Variants in DDHD1 observed in about 807,000 individuals in gnomAD.
The protein encoded by DDHD1 is DDHD domain containing 1.
Under a neutral mutation model 96.4 loss-of-function variants are expected in DDHD1, and 49 were observed. The observed-to-expected ratio is 0.51, with a 90% CI of 0.40 to 0.64. DDHD1 has a LOEUF of 0.64. DDHD1 is among the 30% of genes least tolerant of loss of function. The pLI is 0.00. For missense variants in DDHD1, 1,106 were observed against 1,161.2 expected, an observed-to-expected ratio of 0.95 and a Z score of 0.69; for synonymous variants, 442 against 446.5, an observed-to-expected ratio of 0.99 and a Z score of 0.13.
At chr14:53,059,018 TA>T (rs369436504) in intron 8 of DDHD1, among the ~76,000 whole-genome samples, 1 of 152,142 alleles carries the variant, frequency 6.6e-6, no homozygotes, top group African/African-American at 2.4e-5. Context: ...GAAAGCAGAA[TA>T]AAATACGTGC....
At chr14:53,124,591 T>C (rs1029106831) in intron 1 of DDHD1, among the ~76,000 whole-genome samples, 1 of 152,186 alleles carries the variant, frequency 6.6e-6, no homozygotes, top group African/African-American at 2.4e-5. Context: ...CAAGGGATAA[T>C]GTCAATAGTA....
intron 1 of DDHD1, among the ~76,000 whole-genome samples, chr14:53,113,120 T>C (rs1237567167): frequency 6.6e-6 from 1 of 151,678 alleles, no homozygotes; most frequent in Non-Finnish European, 1.5e-5. Flanking sequence ...CCACCACACC[T>C]GGCTAACTTT....
chr14:53,112,205 A>G (rs745628396), intron 1 of DDHD1, among the ~76,000 whole-genome samples: 4 of 152,114 alleles, frequency 2.6e-5, no homozygotes, highest in Non-Finnish European at 5.9e-5. Context: ...TCATGAGGTC[A>G]AGAGATCGAG....
chr14:53,153,186 C>T lies in DDHD1; in HGVS notation c.-88G>A. 8.6e-7 allele frequency: 1 copy of T among 1,166,030 alleles called. No homozygotes were observed. Among genetic ancestry groups the T allele is most frequent in the Non-Finnish European group, 1.1e-6 (1 of 895,280 alleles). The allele number at this position is 1,166,030 out of a possible 1,614,324, so 72.2% of individuals were successfully genotyped here. A position where few individuals can be genotyped will look rare whatever the true frequency, so the allele number is the denominator to read the frequency against. ...ACACATTCAACGCCGCCGCCCTCTCCACCCGAAGTTTCTAATCTTTCAAAT... is the reference window on the plus strand; with the variant it reads ...ACACATTCAACGCCGCCGCCCTCTCTACCCGAAGTTTCTAATCTTTCAAAT... On this transcript the variant is annotated 5_prime_UTR_variant, in exon 1 of 13. Transcript: ENST00000673822.
intron 1 of DDHD1, among the ~76,000 whole-genome samples, chr14:53,137,891 T>C (rs1196143250): frequency 1.3e-5 from 2 of 151,208 alleles, no homozygotes; most frequent in African/African-American, 2.4e-5. Context: ...AGTCAGGGGG[T>C]TGGGGGAGGA....
chr14:53,134,985 G>A (rs530192276), intron 1 of DDHD1, among the ~76,000 whole-genome samples: 40 of 151,962 alleles, frequency 2.6e-4, no homozygotes, highest in African/African-American at 8.4e-4. Context: ...AGGTTCCCAC[G>A]CTGCCCCTAA....
intron 4 of DDHD1, among the ~76,000 whole-genome samples, chr14:53,089,926 G>C (rs1012592542): frequency 2.0e-5 from 3 of 152,306 alleles, no homozygotes; most frequent in South Asian, 4.1e-4. Context: ...TACCATCAGA[G>C]TGAACAGGCA....
rs114715404 is a variant in DDHD1, at chr14:53,063,000, C to T, written c.1709G>A (p.Arg570Gln). ...ATGTCGTTCTTCATAGCTCATCCAT[C>T]GTTCATCAGGCAACTCTTCTTCCTT... ...LQKEEELPDE[R>Q]WMSYEERHLL... Residue 570 changes from arginine (R) to glutamine (Q), a missense_variant, in exon 7 of 13, where the codon CGA becomes CAA. Transcript: ENST00000673822. 7.0e-5 allele frequency: 113 copies of T among 1,611,640 alleles called. No homozygotes were observed. The African/African-American group carries it at 8.0e-4, about 11-fold the overall frequency.
At chr14:53,062,388 T>C (rs1265710675) in intron 7 of DDHD1, among the ~76,000 whole-genome samples, 1 of 151,966 alleles carries the variant, frequency 6.6e-6, no homozygotes, top group African/African-American at 2.4e-5. Flanking sequence ...AGATAAGGCA[T>C]GTAACTAGAG....
chr14:53,055,614 G>A, intron 10 of DDHD1, 46 bp downstream of exon 10: 1 of 1,582,390 alleles, frequency 6.3e-7, no homozygotes, highest in East Asian at 2.2e-5. Flanking sequence ...CTTATGTCTA[G>A]GAAAGTGCTT....
chr14:53,046,785 T>C lies in DDHD1; in HGVS notation c.2686A>G (p.Asn896Asp), dbSNP rs527804109. Reference sequence around the variant, plus strand: ...AAGAGAGTTCAGATTGGATCTAAATTGGGTTTTGCATCATCATCGTGCTCA... The same window carrying C: ...AAGAGAGTTCAGATTGGATCTAAATCGGGTTTTGCATCATCATCGTGCTCA... ...KHEHDDDAKPNLDPI is the reference protein window; with the variant it reads ...KHEHDDDAKPDLDPI The change falls in exon 13 of 13, where the codon AAT (asparagine) becomes GAT (aspartate). Residue 896 changes from asparagine to aspartate, a missense_variant. Coordinates refer to ENST00000673822, the MANE Select transcript of DDHD1 (RefSeq NM_001160148.2). 5.0e-6 allele frequency: 8 copies of C among 1,605,600 alleles called. No individual in the cohort carries two copies. The Admixed American group carries it at 1.0e-4, about 20-fold the overall frequency.
intron 3 of DDHD1, chr14:53,092,790 G>A (rs1211570984): frequency 6.6e-6 from 1 of 152,248 alleles, no homozygotes; most frequent in Non-Finnish European, 1.5e-5. Context: ...TCCAGGTTAT[G>A]ATGTGCTATG....
At chr14:53,094,532 T>A (rs920272102) in intron 2 of DDHD1, among the ~76,000 whole-genome samples, 2 of 151,742 alleles carry the variant, frequency 1.3e-5, no homozygotes, top group Non-Finnish European at 2.9e-5. Flanking sequence ...TGAGACCCCG[T>A]CTCTTAAAAA....
Position 53,152,716 on chromosome 14 carries a change from G to C in DDHD1, c.383C>G (p.Thr128Arg), listed in dbSNP as rs769034450. ...TGTCGCGCCGCCGCCCCCCGAGTTCGTCGGGACCAGCGGAGGCTGCTGCGG... is the reference window on the plus strand; with the variant it reads ...TGTCGCGCCGCCGCCCCCCGAGTTCCTCGGGACCAGCGGAGGCTGCTGCGG... ...HPPQQPPLVP[T>R]NSGGGGATGG... Residue 128 changes from threonine (T) to arginine (R), a missense_variant, in exon 1 of 13, where the codon ACG becomes AGG. By Grantham distance (71) the Thr-to-Arg change is moderately conservative (BLOSUM62 -1). Around this residue, in one of 2 missense-constraint regions of DDHD1, gnomAD observed 456 missense variants for 402.4 expected, o/e 1.13. Transcript: ENST00000673822. 6.2e-7 allele frequency: 1 copy of C among 1,606,868 alleles called. No individual in the cohort carries two copies. Among genetic ancestry groups the C allele is most frequent in the Non-Finnish European group, 8.5e-7 (1 of 1,176,674 alleles).
chr14:53,092,830 C>A, intron 3 of DDHD1: 1 of 152,516 alleles, frequency 6.6e-6, no homozygotes, highest in African/African-American at 2.4e-5. Context: ...GCCTGGGAGA[C>A]AGAGTGAGAC....
chr14:53,047,558 G>T (rs949077872), intron 12 of DDHD1, among the ~76,000 whole-genome samples: 4 of 152,166 alleles, frequency 2.6e-5, no homozygotes, highest in Non-Finnish European at 4.4e-5. Flanking sequence ...ACATACAAAC[G>T]CTCATTAAGT....
chr14:53,108,005 A>G (rs1252910506), intron 1 of DDHD1, among the ~76,000 whole-genome samples: 2 of 152,214 alleles, frequency 1.3e-5, no homozygotes, highest in Non-Finnish European at 2.9e-5. Flanking sequence ...AGCCAGCAAC[A>G]GCTACCCTCT....
intron 12 of DDHD1, among the ~76,000 whole-genome samples, chr14:53,050,932 ATAAAAT>A (rs1379096972): frequency 6.6e-6 from 1 of 152,064 alleles, no homozygotes; most frequent in Non-Finnish European, 1.5e-5. Flanking sequence ...AAAAACATAA[ATAAAAT>A]TATTTATTTA....
rs1479509318 is a variant in DDHD1, at chr14:53,043,394, T to TGTGC, written c.*3373_*3374insGCAC. The TGTGC allele has an allele frequency of 2.2e-5, 2 of 92,112 alleles. No homozygotes were observed. The highest frequency in any genetic ancestry group is 6.2e-5 in the African/African-American group (2 of 32,098). The allele number at this position is 92,112 out of a possible 1,614,324, so 5.7% of individuals were successfully genotyped here. A position where few individuals can be genotyped will look rare whatever the true frequency, so the allele number is the denominator to read the frequency against. On this transcript the variant is annotated 3_prime_UTR_variant, in exon 13 of 13. Coordinates refer to ENST00000673822, the MANE Select transcript of DDHD1 (RefSeq NM_001160148.2). ...AAAGAGCAGTTATTAGAACATCCAG[T>TGTGC]GTGTGTGTGTGTGTGTGTGTGTGTG...
Sources: allele counts gnomAD v4.1 joint callset (sites outside exome capture counted in the v4.1 genomes callset), GRCh38; gene constraint gnomAD v4.1.1; regional missense constraint gnomAD v4.1.1; transcripts MANE v1.5; gene names NCBI Gene and HGNC (gene_info 2026-07-23, HGNC 2026-07-21).